The following RFX4 variants were observed in gnomAD, a reference collection of about 807,000 sequenced individuals.
RFX4 encodes the protein transcription factor RFX4.
A neutral mutation model predicts 95.0 loss-of-function variants in RFX4; 10 were observed. The ratio of observed to expected loss-of-function variants is 0.11; its 90% CI spans 0.06 to 0.18. The LOEUF (loss-of-function observed/expected upper bound fraction) is 0.18, where lower values mean the gene tolerates loss of function less well. Among genes scored for constraint, RFX4 ranks in the 10% least tolerant of loss-of-function variants. The pLI, the probability that RFX4 is intolerant of heterozygous loss-of-function variation, is 1.00. For missense variants in RFX4, 640 were observed against 922.0 expected (o/e 0.69, Z 3.96); for synonymous variants, 321 against 340.7 (o/e 0.94, Z 0.64).
At position 106,643,845 on chromosome 12, in the gene RFX4, C is replaced by G. The variant is rs183203793; in HGVS notation, c.191+4453C>G. Reference sequence around the variant, plus strand: ...AAAACATTATAGGTAAGACTCCAGTCCATTTCTCCTTGTAGTTCTTTGCCT... The same window carrying G: ...AAAACATTATAGGTAAGACTCCAGTGCATTTCTCCTTGTAGTTCTTTGCCT... On this transcript the variant is annotated intron_variant, in intron 3 of 17. Transcript: ENST00000392842. Among the ~76,000 whole-genome samples, 15 of 152,268 alleles carry G rather than the reference C, an allele frequency of 9.9e-5. 1 individual carries two copies. The South Asian group carries it at 2.7e-3, about 27-fold the overall frequency.
At chr12:106,699,725 GT>G in intron 8 of RFX4, among the ~76,000 whole-genome samples, 1 of 151,880 alleles carries the variant, frequency 6.6e-6, no homozygotes, top group African/African-American at 2.4e-5. Context: ...TTAAATTAGT[GT>G]TTGCATTACA....
chr12:106,586,574 A>G lies in RFX4; in HGVS notation c.43+3211A>G, dbSNP rs56222654. On this transcript the variant is annotated intron_variant, in intron 1 of 17. Transcript: ENST00000392842. This position sits in a 1 kb window ranked among gnomAD's most constrained non-coding sequence, Gnocchi z 5.6. Reference sequence around the variant, plus strand: ...AGGGCCACTGCCAAGCTGGAGCTGGAAACTTCTGCCTCCATCCACTTTCCG... The same window carrying G: ...AGGGCCACTGCCAAGCTGGAGCTGGGAACTTCTGCCTCCATCCACTTTCCG... 2.0e-5 allele frequency among the ~76,000 whole-genome samples: 3 copies of G among 152,082 alleles called. No homozygotes were observed. The highest frequency in any genetic ancestry group is 4.2e-4 in the South Asian group (2 of 4,810).
At chr12:106,721,535 A>G (rs2042396033) in intron 13 of RFX4, among the ~76,000 whole-genome samples, 1 of 152,190 alleles carries the variant, frequency 6.6e-6, no homozygotes, top group Admixed American at 6.5e-5. Context: ...GGTGAATGTT[A>G]TGATACATTG....
rs1200461260 is a variant in RFX4, at chr12:106,673,670, G to A, written c.316-8323G>A. Among the ~76,000 whole-genome samples, 10 of 152,252 alleles carry A rather than the reference G, an allele frequency of 6.6e-5. 1 individual carries two copies. The East Asian group carries it at 9.7e-4, about 15-fold the overall frequency. On this transcript the variant is annotated intron_variant, in intron 4 of 17. Coordinates refer to ENST00000392842, the MANE Select transcript of RFX4 (RefSeq NM_213594.3). Reference sequence around the variant, plus strand: ...CTCCACCTTTGAGAAACTATCACGAGGAGGAAATCCCAAAACAAAGTATCC... The same window carrying A: ...CTCCACCTTTGAGAAACTATCACGAAGAGGAAATCCCAAAACAAAGTATCC...
At position 106,732,236 on chromosome 12, in the gene RFX4, A is replaced by T. The variant is rs142358296; in HGVS notation, c.1458A>T (p.Gly486=). The T allele has an allele frequency of 4.2e-5, 67 of 1,613,950 alleles. 1 individual carries two copies. The Middle Eastern group carries it at 6.6e-4, about 16-fold the overall frequency. The change falls in exon 14 of 18, where the codon GGA becomes GGT. Residue 486 remains glycine, a synonymous_variant. Transcript: ENST00000392842. ...ATGAGCTCATGCGAGCCATGAAGGG[A>T]GAAGGAAGCACTGGTAAGCCAGCAT... ...RANELMRAMK[G]EGSTAEVREE...
intron 4 of RFX4, among the ~76,000 whole-genome samples, chr12:106,662,552 A>C (rs2041095716): frequency 6.6e-6 from 1 of 152,082 alleles, no homozygotes; most frequent in Admixed American, 6.5e-5. Context: ...CAGAGCATAA[A>C]ATTTTAATTT....
intron 4 of RFX4, among the ~76,000 whole-genome samples, chr12:106,676,327 C>T (rs1355131642): frequency 6.6e-6 from 1 of 151,934 alleles, no homozygotes; most frequent in East Asian, 1.9e-4. Flanking sequence ...TAGTGCAACA[C>T]CAAGTAGTCT....
chr12:106,600,785 A>G (rs1436429117), intron 1 of RFX4, among the ~76,000 whole-genome samples: 1 of 151,696 alleles, frequency 6.6e-6, no homozygotes, highest in Non-Finnish European at 1.5e-5. Flanking sequence ...CTCCTCACAC[A>G]CCCAAGCCCA....
At chr12:106,594,408 C>T (rs1427420682) in intron 1 of RFX4, among the ~76,000 whole-genome samples, 1 of 152,160 alleles carries the variant, frequency 6.6e-6, no homozygotes, top group Middle Eastern at 3.2e-3. Flanking sequence ...GGTAGGGGAC[C>T]TTTTCAGAAA....
chr12:106,646,065 GCCATTTGACGGGCAATTTTGCAAT>G (rs2040737901), intron 3 of RFX4: 5 of 675,050 alleles, frequency 7.4e-6, no homozygotes, highest in Non-Finnish European at 1.1e-5. Flanking sequence ...AAATGGTAAA[GCCATTTGACGGGCAATTTTGCAAT>G]CCATTAGCAT....
chr12:106,604,700 G>A (rs1260248231), intron 1 of RFX4, among the ~76,000 whole-genome samples: 2 of 152,142 alleles, frequency 1.3e-5, no homozygotes, highest in African/African-American at 2.4e-5. Context: ...AGAGTCAAAA[G>A]AAATAGAATA....
At chr12:106,686,423 A>G (rs897524227) in intron 5 of RFX4, among the ~76,000 whole-genome samples, 71 of 152,040 alleles carry the variant, frequency 4.7e-4, no homozygotes, top group East Asian at 7.7e-4. Context: ...AAAAAAAAAA[A>G]AAAGAAAAAG....
At chr12:106,711,031 A>G (rs537631310) in intron 9 of RFX4, among the ~76,000 whole-genome samples, 1 of 152,200 alleles carries the variant, frequency 6.6e-6, no homozygotes, top group African/African-American at 2.4e-5. Flanking sequence ...AGGCTCAATC[A>G]AGGTTTACTA....
At chr12:106,593,232 G>C (rs2039572397) in intron 1 of RFX4, among the ~76,000 whole-genome samples, 1 of 152,204 alleles carries the variant, frequency 6.6e-6, no homozygotes, top group African/African-American at 2.4e-5. Flanking sequence ...AGAACAATGA[G>C]AAAGCCTTTG....
At position 106,608,795 on chromosome 12, in the gene RFX4, A is replaced by G; in HGVS notation, c.44-2A>G. 1 of 1,418,216 alleles carries G rather than the reference A, an allele frequency of 7.1e-7. No homozygotes were observed. The highest frequency in any genetic ancestry group is 9.3e-7 in the Non-Finnish European group (1 of 1,079,026). 87.9% of individuals were successfully genotyped at this position (1,418,216 alleles called of 1,614,324 possible). On this transcript the variant is annotated splice_acceptor_variant, in intron 1 of 17. Coordinates refer to ENST00000392842, the MANE Select transcript of RFX4 (RefSeq NM_213594.3). LOFTEE classifies it high-confidence loss of function. ...TTCTTTCTTTCTTTTTTTTTTTTTT[A>G]GAGAGCTGGATTGAAAGATGTCTCA... is the stretch of plus-strand genomic sequence containing the variant.
chr12:106,645,715 C>T (rs889253669), intron 3 of RFX4, among the ~76,000 whole-genome samples: 7 of 152,200 alleles, frequency 4.6e-5, no homozygotes, highest in Non-Finnish European at 8.8e-5. Context: ...GCTGCTAGAT[C>T]AGACTCATTG....
intron 5 of RFX4, among the ~76,000 whole-genome samples, chr12:106,686,523 C>T (rs1394491646): frequency 6.6e-6 from 1 of 152,082 alleles, no homozygotes. Context: ...TGGGTCCCCA[C>T]AGAGAAGGGA....
intron 15 of RFX4, among the ~76,000 whole-genome samples, chr12:106,738,968 A>T (rs1451328995): frequency 6.6e-6 from 1 of 152,188 alleles, no homozygotes; most frequent in Non-Finnish European, 1.5e-5. Context: ...TTCTTTTTTT[A>T]AAAAAGTCAA....
intron 1 of RFX4, among the ~76,000 whole-genome samples, chr12:106,598,305 C>T (rs1464293899): frequency 2.6e-5 from 4 of 152,052 alleles, no homozygotes; most frequent in Non-Finnish European, 5.9e-5. Flanking sequence ...CTCAATGGAA[C>T]GTTTGGCATC....
Sources: allele counts gnomAD v4.1 joint callset (sites outside exome capture counted in the v4.1 genomes callset), GRCh38; gene constraint gnomAD v4.1.1; non-coding constraint Gnocchi (gnomAD v3.1); transcripts MANE v1.5; gene names NCBI Gene and HGNC (gene_info 2026-07-23, HGNC 2026-07-21).